CENPP: variants seen among roughly 807,000 people sequenced by gnomAD.
The protein encoded by CENPP is centromere protein P.
CENPP carries 24 observed loss-of-function variants against 35.6 expected under a neutral mutation model. That is an observed-to-expected ratio of 0.67 (90% CI 0.49 to 0.95). The LOEUF is 0.95. CENPP is among the 40% of genes least tolerant of loss of function. The probability of loss-of-function intolerance (pLI) is 0.00; values close to 1 mark genes in which losing one functional copy is unlikely to be tolerated. For missense variants in CENPP, 332 were observed against 345.3 expected, an observed-to-expected ratio of 0.96 and a Z score of 0.31; for synonymous variants, 120 against 125.5, an observed-to-expected ratio of 0.96 and a Z score of 0.29.
chr9:92,357,660 C>A (rs1464848476), intron 4 of CENPP, among the ~76,000 whole-genome samples: 6 of 151,608 alleles, frequency 4.0e-5, no homozygotes, highest in African/African-American at 9.7e-5. Context: ...ACTCCTGGCT[C>A]ATTTTTTTTG....
At chr9:92,423,781 T>G (rs1368681455) in intron 5 of CENPP, among the ~76,000 whole-genome samples, 1 of 152,136 alleles carries the variant, frequency 6.6e-6, no homozygotes, top group East Asian at 1.9e-4. Flanking sequence ...GAGTGAAATT[T>G]GTACAAATGC....
intron 4 of CENPP, among the ~76,000 whole-genome samples, chr9:92,348,575 A>T (rs185608381): frequency 8.5e-4 from 130 of 152,116 alleles, no homozygotes; most frequent in African/African-American, 3.0e-3. Flanking sequence ...TATTTTTAGT[A>T]GAGACGGGGT....
intron 5 of CENPP, among the ~76,000 whole-genome samples, chr9:92,579,673 G>C (rs897672732): frequency 8.0e-5 from 12 of 149,698 alleles, no homozygotes; most frequent in South Asian, 2.1e-4. Context: ...CTTTGCTGAA[G>C]TTGCTTATCA....
At chr9:92,480,878 G>A (rs901516654) in intron 5 of CENPP, among the ~76,000 whole-genome samples, 2 of 125,434 alleles carry the variant, frequency 1.6e-5, no homozygotes, top group African/African-American at 8.0e-5. Context: ...GCTAACAAAT[G>A]AGTTAAAAGT....
In CENPP at chr9:92,618,250, CACCCTAGGTCTGAGAAGCCACA is replaced by C. The variant is rs754700690; in HGVS notation, c.*5102_*5123del. On this transcript the variant is annotated 3_prime_UTR_variant, in exon 8 of 8. Coordinates refer to ENST00000375587, the MANE Select transcript of CENPP (RefSeq NM_001012267.3). ...TTGTGCAGGATGGTTCCAGTGCCTA[CACCCTAGGTCTGAGAAGCCACA>C]TGGCTCAGTGCCTTCAGGACATGCC... The C allele has an allele frequency of 2.2e-6, 1 of 456,710 alleles. No homozygotes were observed. Among genetic ancestry groups the C allele is most frequent in the East Asian group, 6.9e-5 (1 of 14,390 alleles). The allele number at this position is 456,710 out of a possible 1,614,324, so 28.3% of individuals were successfully genotyped here. A position where few individuals can be genotyped will look rare whatever the true frequency, so the allele number is the denominator to read the frequency against.
intron 5 of CENPP, among the ~76,000 whole-genome samples, chr9:92,416,309 A>G (rs901233074): frequency 2.0e-5 from 3 of 151,766 alleles, no homozygotes; most frequent in African/African-American, 7.3e-5. Flanking sequence ...TATATTGACC[A>G]GGCTGATCTC....
intron 5 of CENPP, among the ~76,000 whole-genome samples, chr9:92,481,450 A>G (rs1845907746): frequency 6.6e-6 from 1 of 152,164 alleles, no homozygotes; most frequent in South Asian, 2.1e-4. Flanking sequence ...CTCAGTCCCT[A>G]CACCATGTGG....
At chr9:92,364,198 G>GA (rs1211544273) in intron 4 of CENPP, among the ~76,000 whole-genome samples, 1 of 148,910 alleles carries the variant, frequency 6.7e-6, no homozygotes, top group African/African-American at 2.5e-5. Context: ...TTTTCAATTA[G>GA]AAAAAAAAAT....
In CENPP at chr9:92,416,714, A is replaced by G. The variant is rs35779901; in HGVS notation, c.564+36855A>G. ...GTTGTGTCCAACACTGAGTTCTACAATGTTGGGAAGATTAAAAATATTATA... is the reference window on the plus strand; with the variant it reads ...GTTGTGTCCAACACTGAGTTCTACAGTGTTGGGAAGATTAAAAATATTATA... On this transcript the variant is annotated intron_variant, in intron 5 of 7. Transcript: ENST00000375587. 1.2e-4 allele frequency: 193 copies of G among 1,613,398 alleles called. No individual in the cohort carries two copies. The African/African-American group carries it at 2.2e-3, about 18-fold the overall frequency.
At chr9:92,466,485 G>A in intron 5 of CENPP, 2 of 1,613,312 alleles carry the variant, frequency 1.2e-6, no homozygotes, top group Non-Finnish European at 1.7e-6. Flanking sequence ...GTTGATTGTG[G>A]GACAGATACA....
intron 5 of CENPP, among the ~76,000 whole-genome samples, chr9:92,477,846 G>A (rs1845766108): frequency 6.6e-6 from 1 of 152,030 alleles, no homozygotes; most frequent in Admixed American, 6.6e-5. Context: ...AAAATGCCTG[G>A]ATTAGTAAAT....
chr9:92,338,683 CT>C (rs1401183506), intron 3 of CENPP, among the ~76,000 whole-genome samples: 8 of 151,772 alleles, frequency 5.3e-5, no homozygotes, highest in African/African-American at 1.7e-4. Context: ...ATAGGGAGGG[CT>C]GACTATATTT....
rs1193568988 is a variant in CENPP at position 92,593,167 on chromosome 9, C to CTG, written c.565-18141_565-18140dup. On this transcript the variant is annotated intron_variant, in intron 5 of 7. Transcript: ENST00000375587. This position sits in a 1 kb window ranked among gnomAD's most constrained non-coding sequence, Gnocchi z 4.1. Reference sequence around the variant, plus strand: ...GGAGAGCTGCCCCCGGGGAGCCACACTGTGTGTAAGATGCTGAGAGTGCTG... The same window carrying CTG: ...GGAGAGCTGCCCCCGGGGAGCCACACTGTGTGTGTAAGATGCTGAGAGTGCTG... Among the ~76,000 whole-genome samples the CTG allele has an allele frequency of 6.6e-6, 1 of 152,222 alleles. No individual in the cohort carries two copies. The highest frequency in any genetic ancestry group is 6.5e-5 in the Admixed American group (1 of 15,288).
chr9:92,365,684 T>C (rs536967666), intron 4 of CENPP, among the ~76,000 whole-genome samples: 1 of 152,102 alleles, frequency 6.6e-6, no homozygotes, highest in Admixed American at 6.5e-5. Flanking sequence ...GTGCTGGGAT[T>C]ATAGGCGTGA....
chr9:92,389,536 C>G (rs1227157100), intron 5 of CENPP: 1 of 179,506 alleles, frequency 5.6e-6, no homozygotes, highest in Non-Finnish European at 1.2e-5. Context: ...CCATTTTGAG[C>G]TTTCGTAGAC....
chr9:92,441,478 G>A (rs902460574), intron 5 of CENPP, among the ~76,000 whole-genome samples: 1 of 152,136 alleles, frequency 6.6e-6, no homozygotes, highest in African/African-American at 2.4e-5. Flanking sequence ...AGGTATATTG[G>A]CCAGGTGCAG....
chr9:92,480,255 T>C (rs1157905650), intron 5 of CENPP, among the ~76,000 whole-genome samples: 1 of 152,226 alleles, frequency 6.6e-6, no homozygotes, highest in Non-Finnish European at 1.5e-5. Context: ...ATTCTTCCAG[T>C]GCTACTGCTA....
chr9:92,571,966 T>C (rs979542585), intron 5 of CENPP, among the ~76,000 whole-genome samples: 1 of 152,020 alleles, frequency 6.6e-6, no homozygotes, highest in Non-Finnish European at 1.5e-5. Flanking sequence ...TTCCTTTATT[T>C]TGAGCCTATG....
chr9:92,389,498 G>A (rs1842578288), intron 5 of CENPP: 1 of 159,930 alleles, frequency 6.3e-6, no homozygotes, highest in Non-Finnish European at 1.4e-5. Context: ...TGCTAACATT[G>A]TAAGGAAAAA....
Sources: allele counts gnomAD v4.1 joint callset (sites outside exome capture counted in the v4.1 genomes callset), GRCh38; gene constraint gnomAD v4.1.1; non-coding constraint Gnocchi (gnomAD v3.1); transcripts MANE v1.5; gene names NCBI Gene and HGNC (gene_info 2026-07-23, HGNC 2026-07-21).